WDR49: variants seen among roughly 807,000 people sequenced by gnomAD.
WDR49 encodes WD repeat domain 49.
WDR49 carries 107 observed loss-of-function variants against 119.5 expected under a neutral mutation model. That is an observed-to-expected ratio of 0.90 (90% confidence interval 0.77 to 1.05). WDR49 has a LOEUF of 1.05. WDR49 is among the 50% of genes least tolerant of loss of function. WDR49 has a pLI of 0.00. For missense variants in WDR49, 1,240 were observed against 1,220.5 expected (o/e 1.02, Z -0.24); for synonymous variants, 425 against 418.8 (o/e 1.01, Z -0.18).
intron 15 of WDR49, among the ~76,000 whole-genome samples, chr3:167,524,557 T>A (rs999795620): frequency 6.6e-6 from 1 of 152,208 alleles, no homozygotes; most frequent in African/African-American, 2.4e-5. Flanking sequence ...TTTAAGTCTT[T>A]AATCCATTTT....
intron 10 of WDR49, among the ~76,000 whole-genome samples, chr3:167,538,687 A>T (rs1049221885): frequency 6.6e-6 from 1 of 152,146 alleles, no homozygotes; most frequent in African/African-American, 2.4e-5. Context: ...GCATAAAATG[A>T]CTAAAATTCA....
At chr3:167,492,996 C>G (rs1477687578) in intron 18 of WDR49, among the ~76,000 whole-genome samples, 1 of 152,140 alleles carries the variant, frequency 6.6e-6, no homozygotes, top group Non-Finnish European at 1.5e-5. Flanking sequence ...GATGCCTGCT[C>G]TGTGCTGACA....
intron 8 of WDR49, among the ~76,000 whole-genome samples, chr3:167,568,009 T>C (rs1713707481): frequency 6.6e-6 from 1 of 152,224 alleles, no homozygotes; most frequent in African/African-American, 2.4e-5. Flanking sequence ...ATCATAAACC[T>C]GGCTGCATTT....
intron 5 of WDR49, among the ~76,000 whole-genome samples, chr3:167,606,949 C>T (rs1258145207): frequency 1.3e-5 from 2 of 152,216 alleles, no homozygotes; most frequent in African/African-American, 2.4e-5. Flanking sequence ...AGACACTGTC[C>T]ATTTTTACAC....
chr3:167,560,487 G>C (rs1157686468), intron 8 of WDR49, among the ~76,000 whole-genome samples: 1 of 152,132 alleles, frequency 6.6e-6, no homozygotes, highest in Non-Finnish European at 1.5e-5. Flanking sequence ...TTAGTGTCTA[G>C]AGGCCATTCC....
intron 17 of WDR49, 76 bp from the exon 18 acceptor site, chr3:167,500,375 C>T (rs78968180): frequency 0.038 from 57,848 of 1,522,506 alleles, 2,061 homozygotes; most frequent in African/African-American, 0.19. Context: ...AAAGAGCCAG[C>T]ACATTTCCAA....
chr3:167,641,941 A>AT (rs1160011489), intron 2 of WDR49, among the ~76,000 whole-genome samples: 1 of 151,812 alleles, frequency 6.6e-6, no homozygotes, highest in African/African-American at 2.4e-5. Flanking sequence ...AAAGGTAAAA[A>AT]AAATACACAT....
intron 6 of WDR49, among the ~76,000 whole-genome samples, chr3:167,602,565 C>A (rs958297107): frequency 3.3e-5 from 5 of 151,988 alleles, no homozygotes; most frequent in African/African-American, 9.7e-5. Context: ...CAACCAACAG[C>A]CTAACCAGGA....
rs191196610 is a variant in WDR49, at chr3:167,645,178, G to A, written c.165+8083C>T. On this transcript the variant is annotated intron_variant, in intron 2 of 18. Transcript: ENST00000682715. ...TTGGATTTTTTACCATGAGAATAAT[G>A]TTACTTTTATTTATTTAATTTAATT... Among the ~76,000 whole-genome samples the A allele has an allele frequency of 3.0e-3, 453 of 151,752 alleles. 9 individuals carry two copies. Among genetic ancestry groups the A allele is most frequent in the Admixed American group, 0.029 (435 of 15,214 alleles).
At chr3:167,620,163 T>C (rs1473004979) in intron 5 of WDR49, among the ~76,000 whole-genome samples, 1 of 152,096 alleles carries the variant, frequency 6.6e-6, no homozygotes, top group Non-Finnish European at 1.5e-5. Context: ...ATGAATTCTA[T>C]GACAATGTTT....
intron 14 of WDR49, among the ~76,000 whole-genome samples, chr3:167,528,812 G>A (rs1302004247): frequency 6.6e-6 from 1 of 151,998 alleles, no homozygotes; most frequent in Non-Finnish European, 1.5e-5. Context: ...TAACAATATT[G>A]CATTTCTAAA....
intron 2 of WDR49, among the ~76,000 whole-genome samples, chr3:167,634,309 T>C (rs1409505486): frequency 4.6e-5 from 7 of 151,940 alleles, no homozygotes; most frequent in African/African-American, 1.4e-4. Context: ...TAGTACAATG[T>C]TTTGCTACAT....
At chr3:167,596,959 A>AG (rs1042568312) in intron 7 of WDR49, among the ~76,000 whole-genome samples, 8 of 150,986 alleles carry the variant, frequency 5.3e-5, no homozygotes, top group Non-Finnish European at 1.0e-4. Context: ...GGAAAAAAAA[A>AG]AAAAAGAAAA....
intron 10 of WDR49, among the ~76,000 whole-genome samples, chr3:167,541,695 C>A (rs981271295): frequency 6.6e-5 from 10 of 152,086 alleles, no homozygotes; most frequent in African/African-American, 2.4e-4. Flanking sequence ...AACAGTACCT[C>A]ACGTCTCAAT....
At chr3:167,522,260 T>A in intron 16 of WDR49, 55 bp downstream of exon 16, 1 of 1,483,092 alleles carries the variant, frequency 6.7e-7, no homozygotes, top group Middle Eastern at 2.5e-4. Context: ...ACCAATCTTA[T>A]CTATGTCTTA....
At chr3:167,511,274 AATT>A (rs1451141873) in intron 16 of WDR49, among the ~76,000 whole-genome samples, 1 of 152,188 alleles carries the variant, frequency 6.6e-6, no homozygotes, top group Non-Finnish European at 1.5e-5. Flanking sequence ...AAAGTCTTAA[AATT>A]ATATCAATCC....
At chr3:167,611,814 C>G (rs1183890609) in intron 5 of WDR49, among the ~76,000 whole-genome samples, 1 of 152,084 alleles carries the variant, frequency 6.6e-6, no homozygotes, top group Non-Finnish European at 1.5e-5. Context: ...AATGCAGCTA[C>G]CATGGGAGCA....
At chr3:167,595,345 C>G (rs1461986781) in intron 7 of WDR49, among the ~76,000 whole-genome samples, 1 of 152,040 alleles carries the variant, frequency 6.6e-6, no homozygotes, top group Non-Finnish European at 1.5e-5. Context: ...CAATGACTTT[C>G]CTCACAGAAT....
intron 8 of WDR49, among the ~76,000 whole-genome samples, chr3:167,569,778 T>C (rs1216868333): frequency 1.3e-5 from 2 of 152,172 alleles, no homozygotes; most frequent in Non-Finnish European, 2.9e-5. Context: ...ATATATTCAC[T>C]TGTTTAAGAG....
Sources: gnomAD v4.1 joint callset for allele counts (sites outside exome capture counted in the v4.1 genomes callset) on GRCh38, gnomAD v4.1.1 for gene constraint, MANE v1.5 for transcripts, NCBI Gene and HGNC (gene_info 2026-07-23, HGNC 2026-07-21) for gene names.